CPEB1: variants seen among roughly 807,000 people sequenced by gnomAD.
CPEB1 encodes the protein cytoplasmic polyadenylation element binding protein 1, also known as cytoplasmic polyadenylation element-binding protein 1.
CPEB1 carries 7 observed loss-of-function variants against 65.8 expected under a neutral mutation model. The ratio of observed to expected loss-of-function variants is 0.11; its 90% CI spans 0.06 to 0.20. The LOEUF (loss-of-function observed/expected upper bound fraction) is 0.20. Ranked by LOEUF, CPEB1 falls within the 10% of genes least tolerant of loss-of-function variation. The probability of loss-of-function intolerance (pLI) is 1.00; values close to 1 mark genes in which losing one functional copy is unlikely to be tolerated. For missense variants in CPEB1, 551 were observed against 712.2 expected (o/e 0.77, Z 2.58); for synonymous variants, 262 against 260.0 (o/e 1.01, Z -0.08).
chr15:82,598,470 CAG>C (rs921667567), intron 3 of CPEB1, among the ~76,000 whole-genome samples: 4 of 151,846 alleles, frequency 2.6e-5, no homozygotes, highest in African/African-American at 9.7e-5. Flanking sequence ...GCCTGAGTGA[CAG>C]AGCAAAACTC....
intron 4 of CPEB1, among the ~76,000 whole-genome samples, chr15:82,570,314 G>A (rs1006887781): frequency 4.6e-5 from 7 of 152,146 alleles, no homozygotes; most frequent in East Asian, 1.9e-4. Flanking sequence ...ACCAGGGAGG[G>A]AAGGGAAGGA....
chr15:82,596,994 A>T (rs1444622764), intron 3 of CPEB1, among the ~76,000 whole-genome samples: 1 of 152,180 alleles, frequency 6.6e-6, no homozygotes, highest in Non-Finnish European at 1.5e-5. Context: ...AAAAAAGGAT[A>T]TCCTTGGTGT....
intron 3 of CPEB1, among the ~76,000 whole-genome samples, chr15:82,608,596 G>T (rs540392179): frequency 0.017 from 2,477 of 149,000 alleles, 30 homozygotes; most frequent in South Asian, 0.042. Flanking sequence ...CTTGTTTTTA[G>T]TTTTTAAACA....
chr15:82,629,629 T>C (rs1019558595), intron 1 of CPEB1: 1 of 985,394 alleles, frequency 1.0e-6, no homozygotes, highest in Non-Finnish European at 1.2e-6. Flanking sequence ...AATGAAATAT[T>C]GGTTGACAGA....
At chr15:82,636,125 A>C (rs2046638813) in intron 1 of CPEB1, among the ~76,000 whole-genome samples, 1 of 152,156 alleles carries the variant, frequency 6.6e-6, no homozygotes, top group African/African-American at 2.4e-5. Context: ...TTAAAAAACC[A>C]CCACACCTTC....
At chr15:82,588,106 TTTTG>T (rs1051292999) in intron 3 of CPEB1, among the ~76,000 whole-genome samples, 4 of 122,232 alleles carry the variant, frequency 3.3e-5, no homozygotes, top group African/African-American at 9.9e-5. Flanking sequence ...TTTGTTTGTT[TTTTG>T]TTTTTGTATT....
At chr15:82,606,938 G>T (rs2043668075) in intron 3 of CPEB1, among the ~76,000 whole-genome samples, 1 of 151,994 alleles carries the variant, frequency 6.6e-6, no homozygotes. Flanking sequence ...TTTGACACCA[G>T]CCTGGGTGAC....
chr15:82,593,123 G>A (rs1596076759), intron 3 of CPEB1, among the ~76,000 whole-genome samples: 2 of 152,296 alleles, frequency 1.3e-5, no homozygotes, highest in East Asian at 3.9e-4. Flanking sequence ...CTGAAGGCTG[G>A]GTTAACTGCG....
chr15:82,558,122 A>G, intron 4 of CPEB1, 136 bp from the exon 5 acceptor site: 1 of 620,068 alleles, frequency 1.6e-6, no homozygotes, highest in South Asian at 2.3e-5. Context: ...AACACAATAT[A>G]ATGAACAGAT....
intron 9 of CPEB1, 27 bp from the exon 10 acceptor site, chr15:82,549,685 C>T (rs1314971058): frequency 1.2e-6 from 2 of 1,608,768 alleles, no homozygotes; most frequent in African/African-American, 2.7e-5. Flanking sequence ...GGTGTATCAG[C>T]CCTGGCAGAG....
chr15:82,580,464 T>G (rs1429615303), intron 3 of CPEB1, among the ~76,000 whole-genome samples: 5 of 152,168 alleles, frequency 3.3e-5, no homozygotes, highest in Admixed American at 1.3e-4. Context: ...ATAATAAAAA[T>G]GTAGATACCA....
chr15:82,544,406 T>G lies in CPEB1; in HGVS notation c.*186A>C. The G allele has an allele frequency of 2.4e-6, 1 of 413,930 alleles. No homozygotes were observed. The highest frequency in any genetic ancestry group is 4.5e-6 in the Non-Finnish European group (1 of 222,684). 25.6% of individuals were successfully genotyped at this position (413,930 alleles called of 1,614,324 possible). On this transcript the variant is annotated 3_prime_UTR_variant, in exon 13 of 13. Transcript: ENST00000684509. Reference sequence around the variant, plus strand: ...TGGTACACCCCCTGAAAACAAAACCTGACAAAACTCAATGTGCATTAATTA... The same window carrying G: ...TGGTACACCCCCTGAAAACAAAACCGGACAAAACTCAATGTGCATTAATTA...
upstream of CPEB1, chr15:82,648,206 G>T: frequency 3.5e-6 from 1 of 288,052 alleles, no homozygotes; most frequent in Non-Finnish European, 6.5e-6. Context: ...ACCTAAGCCT[G>T]AGCGCGCCAT....
rs117380398 is a variant in CPEB1, at chr15:82,632,932, T to G, written c.-97-4376A>C. On this transcript the variant is annotated intron_variant, in intron 1 of 12. Transcript: ENST00000684509. ...CATACTCACAGACCCATTTACTTTG[T>G]GTAGTCCATCTGAACTTTCATCAAT... 3.3e-5 allele frequency among the ~76,000 whole-genome samples: 5 copies of G among 152,306 alleles called. No homozygotes were observed. The East Asian group carries it at 9.6e-4, about 29-fold the overall frequency.
intron 1 of CPEB1, among the ~76,000 whole-genome samples, chr15:82,633,451 T>TA (rs1413952960): frequency 3.9e-5 from 6 of 152,226 alleles, no homozygotes; most frequent in Non-Finnish European, 1.5e-5. Flanking sequence ...CCGCTCTCTG[T>TA]AACCTCTGCC....
At chr15:82,552,350 A>G in intron 9 of CPEB1, 130 bp downstream of exon 9, 1 of 802,950 alleles carries the variant, frequency 1.2e-6, no homozygotes, top group Non-Finnish European at 1.8e-6. Context: ...TTATTGTGGG[A>G]CAAGAAGAGC....
chr15:82,556,576 T>A (rs1326076945), intron 5 of CPEB1: 1 of 152,900 alleles, frequency 6.5e-6, no homozygotes, highest in Non-Finnish European at 1.5e-5. Flanking sequence ...CAGAACACCA[T>A]AAGCTGTGTC....
In CPEB1 at chr15:82,629,210, G is replaced by A. The variant is rs1385672147; in HGVS notation, c.-97-654C>T. The A allele has an allele frequency of 7.3e-6, 7 of 957,894 alleles. No homozygotes were observed. In the African/African-American group the frequency reaches 1.1e-4, roughly 15 times the overall value. The allele number at this position is 957,894 out of a possible 1,614,324, so 59.3% of individuals were successfully genotyped here. On this transcript the variant is annotated intron_variant, in intron 1 of 12. Transcript: ENST00000684509. ...CCCTCAGTTTCCCCATTTGTGAAAT[G>A]GAAAAAGGATACCAACTTTTTGATG... is the stretch of plus-strand genomic sequence containing the variant.
chr15:82,611,416 CA>C (rs978821032), intron 3 of CPEB1, among the ~76,000 whole-genome samples: 12 of 151,608 alleles, frequency 7.9e-5, no homozygotes, highest in African/African-American at 1.5e-4. Flanking sequence ...TAAATTAAAA[CA>C]AAAAAAATCC....
Sources: gnomAD v4.1 joint callset for allele counts (sites outside exome capture counted in the v4.1 genomes callset) on GRCh38, gnomAD v4.1.1 for gene constraint, MANE v1.5 for transcripts, NCBI Gene and HGNC (gene_info 2026-07-23, HGNC 2026-07-21) for gene names.